The following SGCZ variants were observed in gnomAD, a reference collection of about 807,000 sequenced individuals.
The protein encoded by SGCZ is sarcoglycan zeta.
In SGCZ, 40 loss-of-function variants were observed where a neutral mutation model predicts 41.3. That is an observed-to-expected ratio of 0.97 (90% CI 0.75 to 1.26). SGCZ has a LOEUF of 1.26. Ranked by LOEUF, SGCZ falls within the 50% of genes most tolerant of loss-of-function variation. SGCZ has a pLI of 0.00. For missense variants in SGCZ, 552 were observed against 369.8 expected, an observed-to-expected ratio of 1.49 and a Z score of -4.04; for synonymous variants, 206 against 137.5, an observed-to-expected ratio of 1.50 and a Z score of -3.49.
chr8:14,648,227 C>G, intron 1 of SGCZ, among the ~76,000 whole-genome samples: 1 of 152,058 alleles, frequency 6.6e-6, no homozygotes, highest in East Asian at 1.9e-4. Flanking sequence ...AACTTTAAAA[C>G]AGATAGGGTT....
chr8:14,558,457 C>A, intron 1 of SGCZ, among the ~76,000 whole-genome samples: 1 of 151,950 alleles, frequency 6.6e-6, no homozygotes, highest in East Asian at 1.9e-4. Flanking sequence ...TGCCTATAAT[C>A]TTAGCTACTT....
chr8:14,959,346 G>C (rs1334654455), intron 1 of SGCZ, among the ~76,000 whole-genome samples: 2 of 151,980 alleles, frequency 1.3e-5, no homozygotes, highest in African/African-American at 4.8e-5. Context: ...TGGTTGTTTG[G>C]TATATTAGTT....
At chr8:14,814,773 C>G (rs1010053535) in intron 1 of SGCZ, among the ~76,000 whole-genome samples, 1 of 152,046 alleles carries the variant, frequency 6.6e-6, no homozygotes, top group Non-Finnish European at 1.5e-5. Context: ...AAGACTATTT[C>G]TTTTTTCTTG....
At chr8:14,252,113 G>C (rs1799309593) in intron 3 of SGCZ, among the ~76,000 whole-genome samples, 1 of 152,046 alleles carries the variant, frequency 6.6e-6, no homozygotes, top group Non-Finnish European at 1.5e-5. Context: ...ATTCACATTA[G>C]ATATGTGTTA....
At chr8:14,366,334 C>T (rs1007743124) in intron 2 of SGCZ, among the ~76,000 whole-genome samples, 3 of 152,118 alleles carry the variant, frequency 2.0e-5, no homozygotes, top group Non-Finnish European at 4.4e-5. Context: ...AGAAGGAGAG[C>T]ATGTGTAAGC....
chr8:14,455,096 G>A (rs73519320), intron 2 of SGCZ, among the ~76,000 whole-genome samples: 9,498 of 152,074 alleles, frequency 0.062, 977 homozygotes, highest in African/African-American at 0.22. Flanking sequence ...AACTTAATAA[G>A]AGGGAGAAAA....
intron 3 of SGCZ, among the ~76,000 whole-genome samples, chr8:14,241,655 C>T (rs942785166): frequency 4.0e-5 from 6 of 151,792 alleles, no homozygotes; most frequent in African/African-American, 7.3e-5. Context: ...GAAGCTGACC[C>T]GAACTTGCCT....
intron 1 of SGCZ, among the ~76,000 whole-genome samples, chr8:14,941,330 C>T (rs778075414): frequency 6.6e-6 from 1 of 152,008 alleles, no homozygotes; most frequent in Non-Finnish European, 1.5e-5. Context: ...TTTAAAGTGG[C>T]AAAAACCAAA....
intron 1 of SGCZ, among the ~76,000 whole-genome samples, chr8:14,807,628 T>C (rs1801585946): frequency 6.6e-6 from 1 of 151,784 alleles, no homozygotes; most frequent in Admixed American, 6.6e-5. Context: ...GTAGGAAGAA[T>C]CAATATCGTG....
At chr8:14,748,286 C>T (rs918948971) in intron 1 of SGCZ, among the ~76,000 whole-genome samples, 2 of 152,074 alleles carry the variant, frequency 1.3e-5, no homozygotes, top group Middle Eastern at 6.8e-3. Flanking sequence ...GAATTCAGAC[C>T]CAAGTTGGCA....
intron 1 of SGCZ, chr8:14,690,622 T>A (rs1236639328): frequency 6.6e-6 from 1 of 152,176 alleles, no homozygotes. Flanking sequence ...GGGATTTGGT[T>A]TCTAGTCACA....
chr8:14,297,040 G>A (rs1327457728), intron 3 of SGCZ, among the ~76,000 whole-genome samples: 4 of 151,988 alleles, frequency 2.6e-5, no homozygotes, highest in Non-Finnish European at 4.4e-5. Flanking sequence ...TCCTGTCTCA[G>A]CATCCTGAGT....
At chr8:14,356,203 G>A (rs548185102) in intron 2 of SGCZ, among the ~76,000 whole-genome samples, 92 of 152,118 alleles carry the variant, frequency 6.0e-4, no homozygotes, top group Non-Finnish European at 1.0e-3. Context: ...GCTAAGCCAC[G>A]ATGTTCGGTA....
At chr8:14,120,120 T>G (rs571368685) in intron 5 of SGCZ, among the ~76,000 whole-genome samples, 100 of 152,236 alleles carry the variant, frequency 6.6e-4, no homozygotes, top group African/African-American at 2.3e-3. Flanking sequence ...ATACCAAATT[T>G]CTAAAAAAGG....
At chr8:14,223,845 C>T (rs929942618) in intron 4 of SGCZ, among the ~76,000 whole-genome samples, 3 of 152,140 alleles carry the variant, frequency 2.0e-5, no homozygotes, top group African/African-American at 7.2e-5. Context: ...CTTTTTCTCC[C>T]ACTAGGAAAT....
chr8:14,588,186 T>C (rs1394883927), intron 1 of SGCZ, among the ~76,000 whole-genome samples: 15 of 102,088 alleles, frequency 1.5e-4, no homozygotes, highest in African/African-American at 5.4e-4. Context: ...GGAATAGCCA[T>C]TGATTACCCA....
intron 1 of SGCZ, among the ~76,000 whole-genome samples, chr8:15,083,930 G>T (rs1805856762): frequency 6.6e-6 from 1 of 151,998 alleles, no homozygotes; most frequent in Non-Finnish European, 1.5e-5. Flanking sequence ...CATGTTTCAT[G>T]GTCCTTGACT....
At chr8:15,212,506 G>T (rs940901040) in intron 1 of SGCZ, among the ~76,000 whole-genome samples, 6 of 152,216 alleles carry the variant, frequency 3.9e-5, no homozygotes, top group South Asian at 2.1e-4. Flanking sequence ...TTATTTCCTT[G>T]ATAGTATCTT....
rs73518245 is a variant in SGCZ at position 14,354,920 on chromosome 8, C to T, written c.235-30716G>A. ...TTTATTTTCTCAGAAGTTGACATAA[C>T]TGAGCTGTAAGGATCTGGATGTATT... On this transcript the variant is annotated intron_variant, in intron 2 of 7. Transcript: ENST00000382080. Among the ~76,000 whole-genome samples, 514 of 151,862 alleles carry T rather than the reference C, an allele frequency of 3.4e-3. 4 individuals carry two copies. The highest frequency in any genetic ancestry group is 0.012 in the African/African-American group (491 of 41,462).
Sources: gnomAD v4.1 joint callset for allele counts (sites outside exome capture counted in the v4.1 genomes callset) on GRCh38, gnomAD v4.1.1 for gene constraint, MANE v1.5 for transcripts, NCBI Gene and HGNC (gene_info 2026-07-23, HGNC 2026-07-21) for gene names.